Variants in LPP observed in about 807,000 individuals in gnomAD.
LPP encodes lipoma-preferred partner.
A neutral mutation model predicts 60.4 loss-of-function variants in LPP; 38 were observed. The observed-to-expected ratio is 0.63, with a 90% CI of 0.49 to 0.83. The LOEUF (loss-of-function observed/expected upper bound fraction) is 0.83. LPP is among the 40% of genes least tolerant of loss of function. The probability of loss-of-function intolerance (pLI) is 0.00; values close to 1 mark genes in which losing one functional copy is unlikely to be tolerated. For synonymous variants in LPP, 328 were observed against 290.8 expected, an observed-to-expected ratio of 1.13 and a Z score of -1.30; for missense variants, 902 against 783.6, an observed-to-expected ratio of 1.15 and a Z score of -1.80.
At chr3:188,184,455 C>T (rs1437102965) in intron 1 of LPP, among the ~76,000 whole-genome samples, 9 of 152,054 alleles carry the variant, frequency 5.9e-5, no homozygotes, top group East Asian at 1.9e-4. Flanking sequence ...GGAGCTTACA[C>T]GAAGGATGCA....
chr3:188,753,904 AC>A, intron 8 of LPP, among the ~76,000 whole-genome samples: 1 of 152,234 alleles, frequency 6.6e-6, no homozygotes, highest in Middle Eastern at 3.4e-3. Flanking sequence ...AATCAGATAT[AC>A]ACAAGCACAG....
At chr3:188,386,264 GCACACACA>G (rs1277848531) in intron 3 of LPP, among the ~76,000 whole-genome samples, 1 of 99,260 alleles carries the variant, frequency 1.0e-5, no homozygotes, top group African/African-American at 3.8e-5. Context: ...TAGCATGCGC[GCACACACA>G]CACACACACA....
rs188681080 is a variant in LPP at position 188,655,039 on chromosome 3, C to A, written c.1113+45195C>A. On this transcript the variant is annotated intron_variant, in intron 7 of 11. Transcript: ENST00000617246. Reference sequence around the variant, plus strand: ...ATATGCATGTAAAATAAAATGGCACCAGTTATTAATCAGGTGAATGCATAT... The same window carrying A: ...ATATGCATGTAAAATAAAATGGCACAAGTTATTAATCAGGTGAATGCATAT... Among the ~76,000 whole-genome samples, 290 of 152,116 alleles carry A rather than the reference C, an allele frequency of 1.9e-3. 1 individual carries two copies. Among genetic ancestry groups the A allele is most frequent in the African/African-American group, 6.7e-3 (276 of 41,484 alleles).
At chr3:188,294,845 G>C (rs956805609) in intron 2 of LPP, among the ~76,000 whole-genome samples, 1 of 152,360 alleles carries the variant, frequency 6.6e-6, no homozygotes, top group Non-Finnish European at 1.5e-5. Context: ...ATGAGCCCCA[G>C]AAAGAAACTA....
chr3:188,600,555 A>G (rs571822861), intron 6 of LPP, among the ~76,000 whole-genome samples: 1 of 152,154 alleles, frequency 6.6e-6, no homozygotes, highest in African/African-American at 2.4e-5. Context: ...GTGGTAAAAT[A>G]TACATAATAC....
intron 6 of LPP, among the ~76,000 whole-genome samples, chr3:188,605,472 T>C (rs1387265699): frequency 6.6e-6 from 1 of 152,074 alleles, no homozygotes; most frequent in Non-Finnish European, 1.5e-5. Context: ...TTTTAATATA[T>C]TGAGTCTGAA....
intron 5 of LPP, among the ~76,000 whole-genome samples, chr3:188,493,181 G>T (rs1164270407): frequency 1.3e-5 from 2 of 152,102 alleles, no homozygotes; most frequent in Admixed American, 6.5e-5. Flanking sequence ...TTGAGTAAAA[G>T]CTTGGCTATA....
At chr3:188,718,453 T>C (rs1480898726) in intron 8 of LPP, among the ~76,000 whole-genome samples, 1 of 152,306 alleles carries the variant, frequency 6.6e-6, no homozygotes, top group Admixed American at 6.5e-5. Context: ...ATAAAATAAA[T>C]AACTTTTAAG....
chr3:188,179,428 T>C (rs1233234916), intron 1 of LPP: 1 of 457,778 alleles, frequency 2.2e-6, no homozygotes, highest in African/African-American at 2.0e-5. Context: ...CCACCTGACA[T>C]TCTGTCCTTT....
At chr3:188,365,598 A>T (rs1292459269) in intron 3 of LPP, among the ~76,000 whole-genome samples, 1 of 152,006 alleles carries the variant, frequency 6.6e-6, no homozygotes, top group Non-Finnish European at 1.5e-5. Flanking sequence ...GTGAGACTGG[A>T]ATTCAGGCAC....
At chr3:188,198,507 A>C (rs1429450724) in intron 1 of LPP, among the ~76,000 whole-genome samples, 1 of 152,178 alleles carries the variant, frequency 6.6e-6, no homozygotes, top group African/African-American at 2.4e-5. Context: ...GGTATCTGAC[A>C]TTGTAGGCAC....
intron 2 of LPP, among the ~76,000 whole-genome samples, chr3:188,301,989 AAC>A (rs888681129): frequency 1.7e-4 from 25 of 151,324 alleles, no homozygotes; most frequent in African/African-American, 6.1e-4. Flanking sequence ...AGAAAAAAAA[AAC>A]AACAACCCAG....
chr3:188,198,943 C>T (rs371935913), intron 1 of LPP, among the ~76,000 whole-genome samples: 20 of 152,154 alleles, frequency 1.3e-4, no homozygotes, highest in African/African-American at 3.4e-4. Flanking sequence ...ATACAACAAT[C>T]GTTTAGTATG....
intron 9 of LPP, among the ~76,000 whole-genome samples, chr3:188,777,315 G>A (rs1017961879): frequency 1.0e-4 from 15 of 148,940 alleles, no homozygotes; most frequent in African/African-American, 2.2e-4. Context: ...TTACCTCTGC[G>A]TCTAAGTTGC....
intron 9 of LPP, among the ~76,000 whole-genome samples, chr3:188,805,171 A>G (rs1748701746): frequency 6.6e-6 from 1 of 151,958 alleles, no homozygotes; most frequent in Non-Finnish European, 1.5e-5. Flanking sequence ...TTGGTAATAT[A>G]TTTGACTAGA....
intron 2 of LPP, among the ~76,000 whole-genome samples, chr3:188,279,165 C>A (rs958308241): frequency 2.0e-5 from 3 of 152,186 alleles, no homozygotes; most frequent in Non-Finnish European, 4.4e-5. Context: ...CTCCTAAAGT[C>A]TCCAAGGCAC....
intron 5 of LPP, among the ~76,000 whole-genome samples, chr3:188,501,591 T>C (rs140463276): frequency 6.6e-6 from 1 of 151,980 alleles, no homozygotes; most frequent in African/African-American, 2.4e-5. Flanking sequence ...CTACTAAAAT[T>C]ACAAAAAATT....
chr3:188,485,814 AT>A lies in LPP; in HGVS notation c.306+1111del, dbSNP rs869265761. ...TCCGTCTCAAAAAAAAAAAAAAAAA[AT>A]GGAATGGTGTCTGGTAATTATTTTC... is the stretch of plus-strand genomic sequence containing the variant. On this transcript the variant is annotated intron_variant, in intron 5 of 11. Transcript: ENST00000617246. Among the ~76,000 whole-genome samples, 13 of 145,576 alleles carry A rather than the reference AT, an allele frequency of 8.9e-5. 1 individual carries two copies. The highest frequency in any genetic ancestry group is 2.1e-4 in the African/African-American group (8 of 38,572).
chr3:188,676,312 C>T (rs920037866), intron 7 of LPP, among the ~76,000 whole-genome samples: 2 of 152,054 alleles, frequency 1.3e-5, no homozygotes, highest in Non-Finnish European at 2.9e-5. Context: ...GGGCAGCCAG[C>T]GGGTACAAGC....
Sources: gnomAD v4.1 joint callset for allele counts (sites outside exome capture counted in the v4.1 genomes callset) on GRCh38, gnomAD v4.1.1 for gene constraint, MANE v1.5 for transcripts, NCBI Gene and HGNC (gene_info 2026-07-23, HGNC 2026-07-21) for gene names.